Variants in CFAP221 observed in about 807,000 individuals in gnomAD.
CFAP221 encodes cilia and flagella associated protein 221.
In CFAP221, 97 loss-of-function variants were observed where a neutral mutation model predicts 113.1. The observed-to-expected ratio is 0.86, with a 90% CI of 0.73 to 1.02. CFAP221 has a LOEUF of 1.02. Among genes scored for constraint, CFAP221 ranks in the 50% least tolerant of loss-of-function variants. The pLI, the probability that CFAP221 is intolerant of heterozygous loss-of-function variation, is 0.00. For synonymous variants in CFAP221, 331 were observed against 354.4 expected (o/e 0.93, Z 0.74); for missense variants, 1,025 against 1,013.4 (o/e 1.01, Z -0.16).
intron 6 of CFAP221, among the ~76,000 whole-genome samples, chr2:119,565,353 A>G (rs1387373098): frequency 6.6e-6 from 1 of 152,234 alleles, no homozygotes; most frequent in Non-Finnish European, 1.5e-5. Context: ...AGTGGCAGAA[A>G]ACAACTAACT....
At chr2:119,610,963 A>G (rs1398334242) in intron 12 of CFAP221, among the ~76,000 whole-genome samples, 2 of 152,098 alleles carry the variant, frequency 1.3e-5, no homozygotes, top group Non-Finnish European at 2.9e-5. Flanking sequence ...GGCTCCTGGG[A>G]ATAAGAAAAA....
intron 2 of CFAP221, 113 bp downstream of exon 2, chr2:119,546,383 C>A: frequency 8.3e-7 from 1 of 1,211,200 alleles, no homozygotes. Flanking sequence ...ATTTTATAGG[C>A]TTATACTAAT....
At chr2:119,609,385 G>C (rs1216451791) in intron 12 of CFAP221, among the ~76,000 whole-genome samples, 1 of 152,198 alleles carries the variant, frequency 6.6e-6, no homozygotes, top group Non-Finnish European at 1.5e-5. Context: ...TAAAACAGCA[G>C]AAATTTATTT....
intron 19 of CFAP221, among the ~76,000 whole-genome samples, chr2:119,632,701 C>CAAAAAAAAAAAAAAAAAAAGAAAAAAAA (rs34915791): frequency 9.1e-6 from 1 of 109,626 alleles, no homozygotes; most frequent in Non-Finnish European, 1.9e-5. Flanking sequence ...TCTTTATTTA[C>CAAAAAAAAAAAAAAAAAAAGAAAAAAAA]AAAAAAAAAA....
intron 22 of CFAP221, chr2:119,648,430 TG>T: frequency 3.4e-6 from 1 of 297,998 alleles, no homozygotes; most frequent in Non-Finnish European, 7.6e-6. Flanking sequence ...TTCATGTCTT[TG>T]GGGGTATAAA....
At chr2:119,599,802 A>G (rs1368776492) in intron 7 of CFAP221, among the ~76,000 whole-genome samples, 1 of 152,166 alleles carries the variant, frequency 6.6e-6, no homozygotes, top group Non-Finnish European at 1.5e-5. Context: ...CCCCACTAGA[A>G]TGTAAACTGT....
chr2:119,657,937 G>A (rs1178854733), downstream of CFAP221, among the ~76,000 whole-genome samples: 1 of 152,174 alleles, frequency 6.6e-6, no homozygotes, highest in African/African-American at 2.4e-5. Flanking sequence ...CTTCTTACTG[G>A]TGATGTTTAC....
At chr2:119,659,791 C>G (rs6719572), downstream of CFAP221, among the ~76,000 whole-genome samples, 695 of 152,322 alleles carry the variant, frequency 4.6e-3, 4 homozygotes, top group African/African-American at 0.016. Flanking sequence ...TCCTTCTCAC[C>G]TAAGGTTTCC....
At chr2:119,619,946 A>T (rs1336568116) in intron 14 of CFAP221, among the ~76,000 whole-genome samples, 1 of 152,200 alleles carries the variant, frequency 6.6e-6, no homozygotes, top group African/African-American at 2.4e-5. Context: ...TGAAGAATAC[A>T]CAAGTATCAA....
chr2:119,631,209 A>G (rs1686754814), intron 19 of CFAP221: 1 of 555,110 alleles, frequency 1.8e-6, no homozygotes, highest in Admixed American at 5.4e-5. Context: ...GTGAATGAAA[A>G]TGAAAACAAA....
intron 16 of CFAP221, among the ~76,000 whole-genome samples, chr2:119,629,467 C>G (rs576387258): frequency 6.6e-6 from 1 of 152,192 alleles, no homozygotes; most frequent in Non-Finnish European, 1.5e-5. Flanking sequence ...TGGAGGTGAG[C>G]TGCCTGGGAG....
At chr2:119,623,699 T>C (rs1476722062) in intron 14 of CFAP221, among the ~76,000 whole-genome samples, 2 of 152,070 alleles carry the variant, frequency 1.3e-5, no homozygotes, top group Non-Finnish European at 2.9e-5. Context: ...AACAGAAGCC[T>C]CAGAAATTAT....
rs1280827929 is a variant in CFAP221, at chr2:119,544,508, A to T, written c.-50A>T. The T allele has an allele frequency of 6.6e-6, 1 of 151,818 alleles. No individual in the cohort carries two copies. The highest frequency in any genetic ancestry group is 1.9e-4 in the East Asian group (1 of 5,144). 9.4% of individuals were successfully genotyped at this position (151,818 alleles called of 1,614,324 possible). A position where few individuals can be genotyped will look rare whatever the true frequency, so the allele number is the denominator to read the frequency against. ...CGAATCCGGCCCGGGAACCACCTCC[A>T]GGGTGAGCGGCCAGGGACCTGGGGC... On this transcript the variant is annotated splice_region_variant and 5_prime_UTR_variant, in exon 1 of 24. Coordinates refer to ENST00000413369, the MANE Select transcript of CFAP221 (RefSeq NM_001271049.2).
intron 6 of CFAP221, chr2:119,586,685 T>G (rs994161460): frequency 1.3e-5 from 2 of 153,210 alleles, no homozygotes; most frequent in Non-Finnish European, 2.9e-5. Flanking sequence ...ATTTGGCCTT[T>G]CCTTGGTTCG....
chr2:119,567,700 A>G (rs952577000), intron 6 of CFAP221, among the ~76,000 whole-genome samples: 10 of 152,232 alleles, frequency 6.6e-5, no homozygotes, highest in Non-Finnish European at 1.0e-4. Flanking sequence ...CTACCAAACT[A>G]TCTTCCAAAA....
chr2:119,559,607 G>T (rs1681074660), intron 3 of CFAP221, 82 bp from the exon 4 acceptor site: 3 of 1,173,140 alleles, frequency 2.6e-6, no homozygotes, highest in South Asian at 1.3e-5. Context: ...ATTCTTTTAG[G>T]AACAGATGAA....
At chr2:119,625,887 T>C (rs148252893) in intron 15 of CFAP221, 199 bp downstream of exon 15, 142 of 559,806 alleles carry the variant, frequency 2.5e-4, no homozygotes, top group Non-Finnish European at 3.8e-4. Context: ...TCATCATTTA[T>C]ACTTGCTGAT....
chr2:119,625,631 A>G lies in CFAP221; in HGVS notation c.1459A>G (p.Met487Val). The G allele has an allele frequency of 1.2e-6, 2 of 1,614,026 alleles. No homozygotes were observed. Among genetic ancestry groups the G allele is most frequent in the African/African-American group, 1.3e-5 (1 of 75,068 alleles). ...LFNMLSAVREMDKESILRKIG... is the reference protein window; with the variant it reads ...LFNMLSAVREVDKESILRKIG... Reference sequence around the variant, plus strand: ...CAATATGCTGAGTGCTGTTCGTGAAATGGACAAAGAGAGTATACTGAGAAA... The same window carrying G: ...CAATATGCTGAGTGCTGTTCGTGAAGTGGACAAAGAGAGTATACTGAGAAA... The change falls in exon 15 of 24, where the codon ATG becomes GTG. Residue 487 changes from methionine (M) to valine (V), a missense_variant. Met to Val is a conservative substitution (Grantham distance 21, BLOSUM62 1). Coordinates refer to ENST00000413369, the MANE Select transcript of CFAP221 (RefSeq NM_001271049.2).
At chr2:119,640,511 T>C (rs1363550932) in intron 21 of CFAP221, among the ~76,000 whole-genome samples, 1 of 152,252 alleles carries the variant, frequency 6.6e-6, no homozygotes, top group African/African-American at 2.4e-5. Flanking sequence ...TTCATTAGAC[T>C]CTGCCTGGCC....
Sources: gnomAD v4.1 joint callset for allele counts (sites outside exome capture counted in the v4.1 genomes callset) on GRCh38, gnomAD v4.1.1 for gene constraint, MANE v1.5 for transcripts, NCBI Gene and HGNC (gene_info 2026-07-23, HGNC 2026-07-21) for gene names.